The following TAF1B variants were observed in gnomAD, a reference collection of about 807,000 sequenced individuals.
TAF1B encodes the protein TATA box-binding protein-associated factor RNA polymerase I subunit B.
In TAF1B, 61 loss-of-function variants were observed where a neutral mutation model predicts 83.9. The ratio of observed to expected loss-of-function variants is 0.73; its 90% confidence interval spans 0.59 to 0.90. TAF1B has a LOEUF of 0.90. Among genes scored for constraint, TAF1B ranks in the 40% least tolerant of loss-of-function variants. The probability of loss-of-function intolerance (pLI) is 0.00; values close to 1 mark genes in which losing one functional copy is unlikely to be tolerated. For missense variants in TAF1B, 625 were observed against 677.0 expected, an observed-to-expected ratio of 0.92 and a Z score of 0.85; for synonymous variants, 221 against 224.6, an observed-to-expected ratio of 0.98 and a Z score of 0.14.
chr2:9,866,139 G>A (rs1215117207), intron 5 of TAF1B, among the ~76,000 whole-genome samples: 1 of 148,410 alleles, frequency 6.7e-6, no homozygotes, highest in Non-Finnish European at 1.5e-5. Context: ...TACCATCAGA[G>A]TGAACAGGCA....
At chr2:9,869,977 C>T (rs754973026) in intron 6 of TAF1B, among the ~76,000 whole-genome samples, 2 of 152,036 alleles carry the variant, frequency 1.3e-5, no homozygotes, top group African/African-American at 2.4e-5. Context: ...TAGAAATTAC[C>T]GCTACTGCTA....
intron 5 of TAF1B, among the ~76,000 whole-genome samples, chr2:9,865,563 C>G (rs903970300): frequency 1.3e-5 from 2 of 152,214 alleles, no homozygotes; most frequent in African/African-American, 4.8e-5. Flanking sequence ...CTACCAATGA[C>G]TTTCTTCGCA....
Position 9,913,217 on chromosome 2 carries a change from G to A in TAF1B, c.1239G>A (p.Glu413=). ...AAATTATGAAGAAAGCTTTTGATGA[G>A]AAAAAACAAAAATGGGAAGAAGCAA... is the stretch of plus-strand genomic sequence containing the variant. ...WYQIMKKAFD[E]KKQKWEEARA... Residue 413 remains glutamate (E), a synonymous_variant, in exon 12 of 15, where the codon GAG becomes GAA. Transcript: ENST00000263663. 1 of 1,612,572 alleles carries A rather than the reference G, an allele frequency of 6.2e-7. No homozygotes were observed. The highest frequency in any genetic ancestry group is 1.1e-5 in the South Asian group (1 of 90,620).
chr2:9,869,468 C>G (rs1366514048), intron 6 of TAF1B, among the ~76,000 whole-genome samples: 1 of 151,586 alleles, frequency 6.6e-6, no homozygotes, highest in African/African-American at 2.4e-5. Context: ...TGTGATCTGC[C>G]TGCTTCAGCC....
At chr2:9,901,128 G>A (rs1665166359) in intron 8 of TAF1B, among the ~76,000 whole-genome samples, 1 of 152,040 alleles carries the variant, frequency 6.6e-6, no homozygotes, top group Non-Finnish European at 1.5e-5. Flanking sequence ...GTTTAAAAAT[G>A]GGAAACAACC....
At position 9,904,930 on chromosome 2, in the gene TAF1B, T is replaced by A. The variant is rs1665297081; in HGVS notation, c.879T>A (p.Phe293Leu). 3.7e-6 allele frequency: 6 copies of A among 1,612,564 alleles called. No individual in the cohort carries two copies. In the East Asian group the frequency reaches 1.3e-4, roughly 36 times the overall value. The change falls in exon 9 of 15, where the codon TTT becomes TTA. Residue 293 changes from phenylalanine (F) to leucine (L), a missense_variant. Physicochemically the swap from Phe to Leu is conservative, Grantham distance 22. Coordinates refer to ENST00000263663, the MANE Select transcript of TAF1B (RefSeq NM_005680.3). ...GAACATTTTTAGATTTGCCTCGTTT[T>A]CCAGACATAACTGAAGACTGCTATC... Reference protein sequence around the residue: ...EVGTFLDLPRFPDITEDCYLH... With the variant: ...EVGTFLDLPRLPDITEDCYLH...
At chr2:9,869,212 AT>A (rs138024854) in intron 6 of TAF1B, among the ~76,000 whole-genome samples, 3 of 150,902 alleles carry the variant, frequency 2.0e-5, no homozygotes, top group East Asian at 2.0e-4. Flanking sequence ...TTGTTTGCTT[AT>A]TTTTTTTTGT....
chr2:9,854,291 T>C (rs762606955), intron 4 of TAF1B, 35 bp from the exon 5 acceptor site: 2 of 1,501,652 alleles, frequency 1.3e-6, no homozygotes, highest in Non-Finnish European at 1.9e-6. Context: ...TGTCATAACC[T>C]GAATCACCCA....
intron 5 of TAF1B, among the ~76,000 whole-genome samples, chr2:9,856,268 C>T (rs752812322): frequency 6.1e-5 from 9 of 147,730 alleles, no homozygotes; most frequent in South Asian, 2.2e-4. Context: ...GTTATCCTGG[C>T]GGGCAGTTGT....
At position 9,905,024 on chromosome 2, in the gene TAF1B, A is replaced by C. The variant is rs1245332381; in HGVS notation, c.955+18A>C. ...CCTCCCTGGTAAGTGTGTGACATAT[A>C]TTGTGGGGACACTTTAACTAGTAGA... is the stretch of plus-strand genomic sequence containing the variant. On this transcript the variant is annotated intron_variant, in intron 9 of 14. Coordinates refer to ENST00000263663, the MANE Select transcript of TAF1B (RefSeq NM_005680.3). The C allele has an allele frequency of 6.2e-7, 1 of 1,601,808 alleles. No homozygotes were observed. Among genetic ancestry groups the C allele is most frequent in the South Asian group, 1.1e-5 (1 of 90,394 alleles).
intron 8 of TAF1B, among the ~76,000 whole-genome samples, chr2:9,885,876 T>C (rs375232422): frequency 9.8e-5 from 15 of 152,294 alleles, no homozygotes; most frequent in East Asian, 5.8e-4. Flanking sequence ...AATCATCATG[T>C]TATCTTTAAT....
intron 8 of TAF1B, among the ~76,000 whole-genome samples, chr2:9,902,944 C>T (rs538178202): frequency 1.3e-5 from 2 of 152,226 alleles, no homozygotes; most frequent in African/African-American, 4.8e-5. Context: ...TCCAAGCCTT[C>T]TATCTCCTTT....
intron 4 of TAF1B, 65 bp from the exon 5 acceptor site, chr2:9,854,261 A>G: frequency 9.4e-7 from 1 of 1,066,576 alleles, no homozygotes; most frequent in Admixed American, 1.7e-5. Flanking sequence ...GCTGTGGTGT[A>G]GATGTGCCTG....
chr2:9,932,353 T>C (rs1196618119), intron 14 of TAF1B, among the ~76,000 whole-genome samples: 1 of 151,522 alleles, frequency 6.6e-6, no homozygotes, highest in South Asian at 2.1e-4. Context: ...TGAGGTTTTG[T>C]TGTGGATGTC....
intron 8 of TAF1B, among the ~76,000 whole-genome samples, chr2:9,896,355 G>A (rs1209206768): frequency 1.3e-5 from 2 of 152,094 alleles, no homozygotes; most frequent in East Asian, 1.9e-4. Context: ...ATAGTATGTT[G>A]AAACTTTTAA....
rs114852061 is a variant in TAF1B at position 9,908,834 on chromosome 2, C to T, written c.956-1902C>T. ...AGCCTTGTTGGACTGTTTGCATTTC[C>T]TGAAAGCACCATCCCATGTTTGTCA... On this transcript the variant is annotated intron_variant, in intron 9 of 14. Coordinates refer to ENST00000263663, the MANE Select transcript of TAF1B (RefSeq NM_005680.3). Among the ~76,000 whole-genome samples, 626 of 152,306 alleles carry T rather than the reference C, an allele frequency of 4.1e-3. 4 individuals are homozygous for T. Among genetic ancestry groups the T allele is most frequent in the Non-Finnish European group, 7.4e-3 (500 of 68,016 alleles).
intron 3 of TAF1B, 62 bp from the exon 4 acceptor site, chr2:9,851,479 T>C: frequency 7.9e-7 from 1 of 1,273,478 alleles, no homozygotes; most frequent in Non-Finnish European, 1.1e-6. Context: ...ATTGTAACTG[T>C]AGTAGCATTA....
At chr2:9,861,144 C>T (rs1223166566) in intron 5 of TAF1B, among the ~76,000 whole-genome samples, 4 of 152,200 alleles carry the variant, frequency 2.6e-5, no homozygotes, top group East Asian at 1.9e-4. Flanking sequence ...CGAAGCAGGG[C>T]GAGGCATCGC....
At chr2:9,908,006 G>A (rs148604507) in intron 9 of TAF1B, among the ~76,000 whole-genome samples, 5 of 147,694 alleles carry the variant, frequency 3.4e-5, no homozygotes, top group African/African-American at 1.0e-4. Context: ...TGGCATAAGC[G>A]GAGCAGTTCA....
Sources: allele counts gnomAD v4.1 joint callset (sites outside exome capture counted in the v4.1 genomes callset), GRCh38; gene constraint gnomAD v4.1.1; transcripts MANE v1.5; gene names NCBI Gene and HGNC (gene_info 2026-07-23, HGNC 2026-07-21).